CEP83: variants seen among roughly 807,000 people sequenced by gnomAD.
CEP83 encodes the protein centrosomal protein of 83 kDa.
In CEP83, 70 loss-of-function variants were observed where a neutral mutation model predicts 101.9. The ratio of observed to expected loss-of-function variants is 0.69; its 90% CI spans 0.57 to 0.84. The LOEUF (loss-of-function observed/expected upper bound fraction) is 0.84, where lower values mean the gene tolerates loss of function less well. Among genes scored for constraint, CEP83 ranks in the 40% least tolerant of loss-of-function variants. The pLI is 0.00. For missense variants in CEP83, 715 were observed against 787.2 expected (o/e 0.91, Z 1.10); for synonymous variants, 264 against 267.9 (o/e 0.99, Z 0.14).
chr12:94,324,915 G>C (rs1271674595), intron 14 of CEP83, among the ~76,000 whole-genome samples: 2 of 152,132 alleles, frequency 1.3e-5, no homozygotes, highest in Non-Finnish European at 1.5e-5. Flanking sequence ...AATAAAAGCT[G>C]AAGTCATGGC....
At chr12:94,271,988 G>A in the CEP83 span, among the ~76,000 whole-genome samples, 1 of 152,232 alleles carries the variant, frequency 6.6e-6, no homozygotes, top group East Asian at 1.9e-4. Flanking sequence ...GTGGCAGACA[G>A]TATCCCATTG....
chr12:94,316,965 G>C (rs1970803435), intron 14 of CEP83, among the ~76,000 whole-genome samples: 3 of 152,064 alleles, frequency 2.0e-5, no homozygotes, highest in Non-Finnish European at 2.9e-5. Flanking sequence ...GGGTCCAATG[G>C]TAGTTGTTTC....
intron 11 of CEP83, among the ~76,000 whole-genome samples, chr12:94,360,435 A>C (rs995750921): frequency 3.9e-5 from 6 of 152,094 alleles, no homozygotes; most frequent in African/African-American, 1.4e-4. Context: ...CAGGATAAAA[A>C]AACTCAACAT....
At chr12:94,329,245 A>G (rs1056178762) in intron 14 of CEP83, among the ~76,000 whole-genome samples, 4 of 152,032 alleles carry the variant, frequency 2.6e-5, no homozygotes, top group Non-Finnish European at 5.9e-5. Flanking sequence ...GTTACTTTGT[A>G]GTGTTTTGGG....
intron 1 of CEP83, among the ~76,000 whole-genome samples, chr12:94,446,586 T>C (rs1468944289): frequency 1.3e-5 from 2 of 152,070 alleles, no homozygotes; most frequent in African/African-American, 2.4e-5. Flanking sequence ...TGCGCACCTA[T>C]AGTCCCAGCT....
intron 11 of CEP83, among the ~76,000 whole-genome samples, chr12:94,354,950 T>C (rs2060380320): frequency 6.6e-6 from 1 of 151,932 alleles, no homozygotes; most frequent in South Asian, 2.1e-4. Flanking sequence ...TGCAGTTAGC[T>C]GAGATCGTGC....
At chr12:94,454,916 G>T (rs553918784) in intron 1 of CEP83, among the ~76,000 whole-genome samples, 1 of 152,124 alleles carries the variant, frequency 6.6e-6, no homozygotes, top group South Asian at 2.1e-4. Flanking sequence ...ACCTTTAAGA[G>T]CTGTAGCACT....
rs2061515340 is a variant in CEP83, at chr12:94,376,013, T to G, written c.806A>C (p.Glu269Ala). The change falls in exon 8 of 17, where the codon GAA (glutamate) becomes GCA (alanine). Residue 269 changes from glutamate (E) to alanine (A), a missense_variant. Physicochemically the swap from Glu to Ala is moderately radical, Grantham distance 107. Coordinates refer to ENST00000397809, the MANE Select transcript of CEP83 (RefSeq NM_016122.3). ...MQATVRSLEA[E>A]KQSANLRAER... ...TGCCCGTAAATTAGCTGATTGTTTT[T>G]CAGCCTTTCATACAAACAAAATAGT... is the stretch of plus-strand genomic sequence containing the variant. The G allele has an allele frequency of 6.4e-7, 1 of 1,553,426 alleles. No individual in the cohort carries two copies. Among genetic ancestry groups the G allele is most frequent in the African/African-American group, 1.4e-5 (1 of 73,026 alleles).
intron 6 of CEP83, among the ~76,000 whole-genome samples, chr12:94,385,281 G>A (rs1293914085): frequency 3.3e-5 from 5 of 152,092 alleles, no homozygotes; most frequent in Non-Finnish European, 7.4e-5. Flanking sequence ...ATACCACAGG[G>A]CCAGATGTGG....
chr12:94,375,447 C>A (rs1239559063), intron 8 of CEP83, among the ~76,000 whole-genome samples: 1 of 152,094 alleles, frequency 6.6e-6, no homozygotes, highest in Non-Finnish European at 1.5e-5. Context: ...AGGAAAAATA[C>A]AGGTCATGGC....
rs1321560351 is a variant in CEP83 at position 94,376,745 on chromosome 12, A to ATTT, written c.802-729_802-728insAAA. Among the ~76,000 whole-genome samples, 70 of 113,262 alleles carry ATTT rather than the reference A, an allele frequency of 6.2e-4. 1 individual carries two copies. The highest frequency in any genetic ancestry group is 1.3e-3 in the South Asian group (5 of 3,772). 74.3% of individuals were successfully genotyped at this position (113,262 alleles called of 152,430 possible). A position where few individuals can be genotyped will look rare whatever the true frequency, so the allele number is the denominator to read the frequency against. Reference sequence around the variant, plus strand: ...CACACACACACACATATATATATATATATTTTTTTTTTGAGACAAGGTCTT... The same window carrying ATTT: ...CACACACACACACATATATATATATATTTTATTTTTTTTTTGAGACAAGGTCTT... On this transcript the variant is annotated intron_variant, in intron 7 of 16. Coordinates refer to ENST00000397809, the MANE Select transcript of CEP83 (RefSeq NM_016122.3).
intron 1 of CEP83, among the ~76,000 whole-genome samples, chr12:94,438,563 C>G (rs1280310895): frequency 6.6e-6 from 1 of 152,070 alleles, no homozygotes; most frequent in African/African-American, 2.4e-5. Context: ...ACTACTAGAC[C>G]TAAGAAATGA....
At chr12:94,440,735 A>G (rs540076033) in intron 1 of CEP83, among the ~76,000 whole-genome samples, 2 of 152,320 alleles carry the variant, frequency 1.3e-5, no homozygotes, top group South Asian at 4.1e-4. Context: ...AGCAATACTA[A>G]GCACAAAGAA....
At chr12:94,412,230 T>C in intron 3 of CEP83, 88 bp downstream of exon 3, 2 of 1,080,586 alleles carry the variant, frequency 1.9e-6, no homozygotes, top group East Asian at 2.7e-5. Context: ...ATAACAAAAT[T>C]ATACTATATT....
At chr12:94,306,823 CCCT>C (rs1328540430), downstream of CEP83, 1 of 152,172 alleles carries the variant, frequency 6.6e-6, no homozygotes, top group Non-Finnish European at 1.5e-5. Flanking sequence ...GCAGTTACTA[CCCT>C]GATAGGCACC....
At chr12:94,433,913 T>A (rs1594033651) in intron 2 of CEP83, 1 of 152,194 alleles carries the variant, frequency 6.6e-6, no homozygotes, top group East Asian at 1.9e-4. Flanking sequence ...TAATCCTACA[T>A]AAGAATGAGG....
intron 4 of CEP83, among the ~76,000 whole-genome samples, chr12:94,407,306 T>TA (rs982792234): frequency 5.3e-5 from 8 of 151,682 alleles, no homozygotes; most frequent in Admixed American, 1.3e-4. Context: ...ACTACAGATA[T>TA]AAAAAAAACT....
intron 1 of CEP83, among the ~76,000 whole-genome samples, chr12:94,448,064 G>T: frequency 6.6e-6 from 1 of 151,930 alleles, no homozygotes; most frequent in East Asian, 1.9e-4. Context: ...CTGTCAACAA[G>T]AGATAAATCT....
intron 14 of CEP83, among the ~76,000 whole-genome samples, chr12:94,315,360 T>A (rs770943174): frequency 6.6e-6 from 1 of 152,196 alleles, no homozygotes; most frequent in Non-Finnish European, 1.5e-5. Context: ...TTTTTATGCA[T>A]GTTAGTCATC....
Sources: gnomAD v4.1 joint callset for allele counts (sites outside exome capture counted in the v4.1 genomes callset) on GRCh38, gnomAD v4.1.1 for gene constraint, MANE v1.5 for transcripts, NCBI Gene and HGNC (gene_info 2026-07-23, HGNC 2026-07-21) for gene names.